The following PCDHAC1 variants were observed in gnomAD, a reference collection of about 807,000 sequenced individuals.
PCDHAC1 encodes protocadherin alpha-C1.
Under a neutral mutation model 60.0 loss-of-function variants are expected in PCDHAC1, and 42 were observed. The observed-to-expected ratio is 0.70, with a 90% CI of 0.55 to 0.90. The LOEUF (loss-of-function observed/expected upper bound fraction) is 0.90. Among genes scored for constraint, PCDHAC1 ranks in the 40% least tolerant of loss-of-function variants. The pLI, the probability that PCDHAC1 is intolerant of heterozygous loss-of-function variation, is 0.00. For missense variants in PCDHAC1, 1,160 were observed against 1,222.3 expected, an observed-to-expected ratio of 0.95 and a Z score of 0.76; for synonymous variants, 468 against 499.3, an observed-to-expected ratio of 0.94 and a Z score of 0.84.
chr5:140,982,362 A>ATTCTGCTC, intron 2 of PCDHAC1, 113 bp from the exon 3 acceptor site: 1 of 1,531,968 alleles, frequency 6.5e-7, no homozygotes, highest in Non-Finnish European at 8.8e-7. Context: ...GCATGAGCAG[A>ATTCTGCTC]ATGTGTTAGC....
intron 3 of PCDHAC1, among the ~76,000 whole-genome samples, chr5:141,005,325 A>G (rs1430982331): frequency 6.6e-6 from 1 of 152,226 alleles, no homozygotes; most frequent in Non-Finnish European, 1.5e-5. Context: ...GTAGAGAATA[A>G]TAGGCCAAGG....
At chr5:140,955,207 G>A (rs2153705473) in intron 1 of PCDHAC1, among the ~76,000 whole-genome samples, 1 of 152,290 alleles carries the variant, frequency 6.6e-6, no homozygotes, top group South Asian at 2.1e-4. Context: ...CAATCAAGTA[G>A]CATGATGCCT....
At chr5:140,962,454 T>A (rs1554226040) in intron 1 of PCDHAC1, among the ~76,000 whole-genome samples, 1 of 152,194 alleles carries the variant, frequency 6.6e-6, no homozygotes, top group Non-Finnish European at 1.5e-5. Flanking sequence ...TTGAATCTCT[T>A]ATGGCTTGAA....
chr5:141,006,568 T>C (rs2098278532), intron 3 of PCDHAC1, among the ~76,000 whole-genome samples: 1 of 152,110 alleles, frequency 6.6e-6, no homozygotes, highest in Non-Finnish European at 1.5e-5. Flanking sequence ...CTCTGGCTAC[T>C]GTGTGGAGGG....
chr5:140,954,750 T>C (rs1045434392), intron 1 of PCDHAC1, among the ~76,000 whole-genome samples: 7 of 152,228 alleles, frequency 4.6e-5, no homozygotes, highest in Non-Finnish European at 2.9e-5. Flanking sequence ...TAGTTTCTTT[T>C]GCTGTGCAGA....
At chr5:140,978,648 T>C (rs2096814311) in intron 1 of PCDHAC1, among the ~76,000 whole-genome samples, 1 of 152,264 alleles carries the variant, frequency 6.6e-6, no homozygotes, top group African/African-American at 2.4e-5. Flanking sequence ...CAGACTGTTC[T>C]TCCCGTAGTG....
rs1348629347 is a variant in PCDHAC1, at chr5:140,926,679, C to T, written c.-214C>T. On this transcript the variant is annotated 5_prime_UTR_variant, in exon 1 of 4. Coordinates refer to ENST00000253807, the MANE Select transcript of PCDHAC1 (RefSeq NM_018898.5). ...CTTTCCCAGACGGCTGCCCAGCCTC[C>T]AGCCTAGCAAGCCCGGCTCCCAGCT... 4.1e-5 allele frequency: 26 copies of T among 638,064 alleles called. No homozygotes were observed. Among genetic ancestry groups the T allele is most frequent in the Middle Eastern group, 4.4e-4 (1 of 2,252 alleles). The allele number at this position is 638,064 out of a possible 1,614,324, so 39.5% of individuals were successfully genotyped here.
chr5:140,982,708 C>G (rs550422492), intron 3 of PCDHAC1, 145 bp downstream of exon 3: 1 of 1,373,770 alleles, frequency 7.3e-7, no homozygotes, highest in African/African-American at 1.5e-5. Flanking sequence ...GATTTCCTTA[C>G]ATATATGATT....
At chr5:140,995,543 G>T (rs1243799532) in intron 3 of PCDHAC1, among the ~76,000 whole-genome samples, 1 of 152,144 alleles carries the variant, frequency 6.6e-6, no homozygotes, top group African/African-American at 2.4e-5. Flanking sequence ...AATAAGGGGC[G>T]ATCACTGTAC....
rs782163702 is a variant in PCDHAC1, at chr5:140,979,042, C to G, written c.2492+35C>G. 3.1e-6 allele frequency: 5 copies of G among 1,612,562 alleles called. No individual in the cohort carries two copies. The South Asian group carries it at 4.4e-5, about 14-fold the overall frequency. Reference sequence around the variant, plus strand: ...TCCCTCCTCATTCACTCAGAAGTAACCTTAACTTGGTATGGCTCAGATAAA... The same window carrying G: ...TCCCTCCTCATTCACTCAGAAGTAAGCTTAACTTGGTATGGCTCAGATAAA... On this transcript the variant is annotated intron_variant, in intron 2 of 3. Coordinates refer to ENST00000253807, the MANE Select transcript of PCDHAC1 (RefSeq NM_018898.5).
chr5:140,969,019 G>A (rs782394566), intron 1 of PCDHAC1: 61 of 1,614,046 alleles, frequency 3.8e-5, no homozygotes, highest in Non-Finnish European at 4.7e-5. Flanking sequence ...TAAGGGAAAG[G>A]TCCCCTGCAG....
At position 140,927,678 on chromosome 5, in the gene PCDHAC1, A is replaced by G; in HGVS notation, c.786A>G (p.Glu262=). The G allele has an allele frequency of 6.2e-7, 1 of 1,614,180 alleles. No individual in the cohort carries two copies. The highest frequency in any genetic ancestry group is 8.5e-7 in the Non-Finnish European group (1 of 1,180,020). Residue 262 remains glutamate (E), a synonymous_variant, in exon 1 of 4, where the codon GAA becomes GAG. Transcript: ENST00000253807. ...LFRVQALDPD[E]GSNGEVQYSL... ...GAGTTCAAGCCTTGGATCCAGATGA[A>G]GGGTCCAATGGGGAAGTCCAGTACT...
In PCDHAC1 at chr5:141,005,071, G is replaced by A. The variant is rs115656219; in HGVS notation, c.2582-4556G>A. On this transcript the variant is annotated intron_variant, in intron 3 of 3. Coordinates refer to ENST00000253807, the MANE Select transcript of PCDHAC1 (RefSeq NM_018898.5). ...TACTGAATTCTTGCATTGTGCTAAG[G>A]ATCAAGCTTAGTACTTTACATGCAT... 5.2e-3 allele frequency among the ~76,000 whole-genome samples: 796 copies of A among 152,278 alleles called. 8 individuals are homozygous for A. The highest frequency in any genetic ancestry group is 0.018 in the African/African-American group (745 of 41,556).
intron 3 of PCDHAC1, among the ~76,000 whole-genome samples, chr5:141,006,898 C>A (rs2098293427): frequency 6.6e-6 from 1 of 152,152 alleles, no homozygotes; most frequent in East Asian, 1.9e-4. Context: ...TTTCAGATTT[C>A]TTCAGTTTGG....
chr5:140,951,149 T>C (rs911841540), intron 1 of PCDHAC1, among the ~76,000 whole-genome samples: 8 of 100,620 alleles, frequency 8.0e-5, no homozygotes, highest in African/African-American at 3.8e-4. Context: ...TCTTATTGAA[T>C]ATAGTTATAG....
At chr5:140,938,684 A>T (rs1554212293) in intron 1 of PCDHAC1, among the ~76,000 whole-genome samples, 1 of 152,046 alleles carries the variant, frequency 6.6e-6, no homozygotes, top group African/African-American at 2.4e-5. Flanking sequence ...CATTTTCTTT[A>T]CAGTTTTTAA....
At chr5:140,994,125 C>T (rs1007264886) in intron 3 of PCDHAC1, among the ~76,000 whole-genome samples, 6 of 152,044 alleles carry the variant, frequency 3.9e-5, no homozygotes, top group African/African-American at 9.7e-5. Flanking sequence ...GTGATAAGGG[C>T]GACAATAATG....
chr5:140,988,097 C>T (rs2097282934), intron 3 of PCDHAC1, among the ~76,000 whole-genome samples: 1 of 152,084 alleles, frequency 6.6e-6, no homozygotes, highest in Admixed American at 6.5e-5. Flanking sequence ...AGCCTCGGGC[C>T]TTGTTGGAGA....
chr5:140,941,963 T>A (rs2093209364), intron 1 of PCDHAC1, among the ~76,000 whole-genome samples: 1 of 152,230 alleles, frequency 6.6e-6, no homozygotes. Flanking sequence ...CAATAGTATC[T>A]TTACTTTCCC....
Sources: gnomAD v4.1 joint callset for allele counts (sites outside exome capture counted in the v4.1 genomes callset) on GRCh38, gnomAD v4.1.1 for gene constraint, MANE v1.5 for transcripts, NCBI Gene and HGNC (gene_info 2026-07-23, HGNC 2026-07-21) for gene names.